CSMD2: variants seen among roughly 807,000 people sequenced by gnomAD.
The protein encoded by CSMD2 is CUB and Sushi multiple domains 2, also known as CUB and sushi domain-containing protein 2.
CSMD2 carries 130 observed loss-of-function variants against 398.5 expected under a neutral mutation model. The ratio of observed to expected loss-of-function variants is 0.33; its 90% CI spans 0.28 to 0.38. The LOEUF (loss-of-function observed/expected upper bound fraction) is 0.38. Ranked by LOEUF, CSMD2 falls within the 10% of genes least tolerant of loss-of-function variation. CSMD2 has a pLI of 1.00. For missense variants in CSMD2, 3,829 were observed against 4,764.9 expected, an observed-to-expected ratio of 0.80 and a Z score of 5.78; for synonymous variants, 1,828 against 1,908.5, an observed-to-expected ratio of 0.96 and a Z score of 1.10.
chr1:33,963,090 G>A (rs1186727058), intron 3 of CSMD2, among the ~76,000 whole-genome samples: 1 of 152,200 alleles, frequency 6.6e-6, no homozygotes, highest in Non-Finnish European at 1.5e-5. Context: ...AAGATTGAGA[G>A]TCTAAAGCCT....
At chr1:33,923,736 C>A (rs1333119289) in intron 4 of CSMD2, among the ~76,000 whole-genome samples, 1 of 152,088 alleles carries the variant, frequency 6.6e-6, no homozygotes, top group Non-Finnish European at 1.5e-5. Flanking sequence ...TTTATTCGTC[C>A]TTCTACCTAA....
chr1:33,994,592 G>A (rs1250399847), intron 3 of CSMD2, among the ~76,000 whole-genome samples: 1 of 152,070 alleles, frequency 6.6e-6, no homozygotes, highest in African/African-American at 2.4e-5. Flanking sequence ...TCAGTACCCA[G>A]CACATGGTAG....
At position 34,164,510 on chromosome 1, in the gene CSMD2, C is replaced by G. The variant is rs956181238; in HGVS notation, c.187+401G>C. On this transcript the variant is annotated intron_variant, in intron 1 of 70. Coordinates refer to ENST00000373381, the MANE Select transcript of CSMD2 (RefSeq NM_001281956.2). The surrounding 1 kb of genome is among the most constrained non-coding windows in gnomAD (Gnocchi z 6.2). ...CAGCCCCCAGGACCAGCGTGCCTGG[C>G]AGAATCAGGAGCCGGGGGAGTAGGG... Among the ~76,000 whole-genome samples, 1 of 152,076 alleles carries G rather than the reference C, an allele frequency of 6.6e-6. No individual in the cohort carries two copies. The highest frequency in any genetic ancestry group is 6.5e-5 in the Admixed American group (1 of 15,278).
intron 46 of CSMD2, among the ~76,000 whole-genome samples, chr1:33,585,264 C>T (rs1432268006): frequency 2.0e-5 from 3 of 152,142 alleles, no homozygotes; most frequent in African/African-American, 4.8e-5. Context: ...GGTTCTGGAA[C>T]GGGAACTGCA....
chr1:33,920,820 C>T (rs2125290990), intron 4 of CSMD2, among the ~76,000 whole-genome samples: 1 of 152,260 alleles, frequency 6.6e-6, no homozygotes, highest in South Asian at 2.1e-4. Flanking sequence ...CCCAATAATC[C>T]AGTGAGAGGT....
intron 5 of CSMD2, among the ~76,000 whole-genome samples, chr1:33,908,935 C>CA (rs1178762489): frequency 6.6e-6 from 1 of 151,844 alleles, no homozygotes; most frequent in Admixed American, 6.5e-5. Context: ...TGGGCTCCAT[C>CA]AAAAAAGGAC....
chr1:33,879,982 C>A (rs902599367), intron 5 of CSMD2, among the ~76,000 whole-genome samples: 1 of 152,064 alleles, frequency 6.6e-6, no homozygotes, highest in Admixed American at 6.6e-5. Context: ...CTTATTTAAT[C>A]TGCACAGTAA....
intron 2 of CSMD2, among the ~76,000 whole-genome samples, chr1:34,048,239 G>A (rs1652771372): frequency 1.3e-5 from 2 of 152,208 alleles, no homozygotes; most frequent in African/African-American, 4.8e-5. Context: ...CCCGTGCACA[G>A]GTGCTGCCTT....
At chr1:33,618,318 T>C (rs557446585) in intron 37 of CSMD2, among the ~76,000 whole-genome samples, 2 of 152,168 alleles carry the variant, frequency 1.3e-5, no homozygotes, top group East Asian at 3.9e-4. Context: ...CCCAAGCCAC[T>C]GCTAGTCCAG....
chr1:33,966,100 T>C (rs1313905048), intron 3 of CSMD2, among the ~76,000 whole-genome samples: 1 of 152,188 alleles, frequency 6.6e-6, no homozygotes, highest in Non-Finnish European at 1.5e-5. Flanking sequence ...TAAGAAATGA[T>C]GCAAGACCCA....
chr1:33,755,805 C>T (rs1202950416), intron 13 of CSMD2, among the ~76,000 whole-genome samples: 1 of 150,364 alleles, frequency 6.7e-6, no homozygotes, highest in East Asian at 1.9e-4. Context: ...GCCACTATGT[C>T]TGACTAATTA....
Position 33,537,304 on chromosome 1 carries a change from C to T in CSMD2, c.9805+132G>A. On this transcript the variant is annotated intron_variant, in intron 61 of 70. Coordinates refer to ENST00000373381, the MANE Select transcript of CSMD2 (RefSeq NM_001281956.2). This position sits in a 1 kb window ranked among gnomAD's most constrained non-coding sequence, Gnocchi z 4.6. Reference sequence around the variant, plus strand: ...GCTATTTTACATCCTGCTGCAGAAGCTCAGAGGATGAGATGTTCCCTTTTG... The same window carrying T: ...GCTATTTTACATCCTGCTGCAGAAGTTCAGAGGATGAGATGTTCCCTTTTG... 2 of 1,156,692 alleles carry T rather than the reference C, an allele frequency of 1.7e-6. No individual in the cohort carries two copies. 71.7% of individuals were successfully genotyped at this position (1,156,692 alleles called of 1,614,324 possible).
intron 6 of CSMD2, among the ~76,000 whole-genome samples, chr1:33,831,221 A>T (rs2125035400): frequency 6.6e-6 from 1 of 152,206 alleles, no homozygotes; most frequent in East Asian, 1.9e-4. Flanking sequence ...AGATTCACCA[A>T]AGTTGAAATG....
Position 34,110,040 on chromosome 1 carries a change from C to CAAAA in CSMD2, c.188-20851_188-20848dup, listed in dbSNP as rs57314887. On this transcript the variant is annotated intron_variant, in intron 1 of 70. Transcript: ENST00000373381. Reference sequence around the variant, plus strand: ...TGGGTGACAGAACGAGACTCTGTCTCAAAAAAAAAAAAAAAAAAAAAGACA... The same window carrying CAAAA: ...TGGGTGACAGAACGAGACTCTGTCTCAAAAAAAAAAAAAAAAAAAAAAAAAGACA... Among the ~76,000 whole-genome samples, 172 of 62,786 alleles carry CAAAA rather than the reference C, an allele frequency of 2.7e-3. 3 individuals carry two copies. Among genetic ancestry groups the CAAAA allele is most frequent in the African/African-American group, 5.5e-3 (85 of 15,316 alleles). 41.2% of individuals were successfully genotyped at this position (62,786 alleles called of 152,430 possible).
Position 33,540,533 on chromosome 1 carries a change from T to C in CSMD2, c.9623A>G (p.Gln3208Arg), listed in dbSNP as rs1656231381. 1 of 1,614,010 alleles carries C rather than the reference T, an allele frequency of 6.2e-7. No individual in the cohort carries two copies. The highest frequency in any genetic ancestry group is 1.7e-5 in the Admixed American group (1 of 60,000). The change falls in exon 60 of 71, where the codon CAG (glutamine) becomes CGG (arginine). Residue 3208 changes from glutamine to arginine, a missense_variant. Gln to Arg is a conservative substitution (Grantham distance 43). Coordinates refer to ENST00000373381, the MANE Select transcript of CSMD2 (RefSeq NM_001281956.2). ...GNGSWTGELP[Q>R]CFPVFCGDPG... ...CCTTGTAAGCAACTTACGGAAACACTGAGGCAGCTCTCCGGTCCAGGACCC... is the reference window on the plus strand; with the variant it reads ...CCTTGTAAGCAACTTACGGAAACACCGAGGCAGCTCTCCGGTCCAGGACCC...
At position 33,966,460 on chromosome 1, in the gene CSMD2, T is replaced by C. The variant is rs779241558; in HGVS notation, c.518-30506A>G. Among the ~76,000 whole-genome samples the C allele has an allele frequency of 9.7e-4, 148 of 152,370 alleles. 1 individual carries two copies. The highest frequency in any genetic ancestry group is 1.8e-3 in the Non-Finnish European group (124 of 68,038). ...ACACTCAGCTAGTGAAGAAACCTTG[T>C]TGACCTTCTCAGGATCTTGGGTTCT... On this transcript the variant is annotated intron_variant, in intron 3 of 70. Coordinates refer to ENST00000373381, the MANE Select transcript of CSMD2 (RefSeq NM_001281956.2).
chr1:33,784,606 C>T (rs1653284884), intron 12 of CSMD2, among the ~76,000 whole-genome samples: 3 of 152,172 alleles, frequency 2.0e-5, no homozygotes, highest in Admixed American at 2.0e-4. Context: ...AGAGCCACCT[C>T]ATTTCTCTGC....
chr1:34,025,476 T>A (rs1353998634), intron 3 of CSMD2, among the ~76,000 whole-genome samples: 1 of 152,168 alleles, frequency 6.6e-6, no homozygotes, highest in Non-Finnish European at 1.5e-5. Flanking sequence ...GAGGTCAACC[T>A]CTCTGGGCTG....
At chr1:34,047,668 T>C (rs1236086556) in intron 2 of CSMD2, among the ~76,000 whole-genome samples, 1 of 152,084 alleles carries the variant, frequency 6.6e-6, no homozygotes, top group Non-Finnish European at 1.5e-5. Flanking sequence ...TAATGCAATA[T>C]AGTAAGTGCA....
Sources: allele counts gnomAD v4.1 joint callset (sites outside exome capture counted in the v4.1 genomes callset), GRCh38; gene constraint gnomAD v4.1.1; non-coding constraint Gnocchi (gnomAD v3.1); transcripts MANE v1.5; gene names NCBI Gene and HGNC (gene_info 2026-07-23, HGNC 2026-07-21).